AKIP1: variants seen among roughly 807,000 people sequenced by gnomAD.
AKIP1 encodes the protein A-kinase interacting protein 1, also known as A-kinase-interacting protein 1.
Under a neutral mutation model 22.3 loss-of-function variants are expected in AKIP1, and 18 were observed. The ratio of observed to expected loss-of-function variants is 0.81; its 90% CI spans 0.56 to 1.19. The LOEUF is 1.19. AKIP1 is among the 50% of genes most tolerant of loss of function. The probability of loss-of-function intolerance (pLI) is 0.00; values close to 1 mark genes in which losing one functional copy is unlikely to be tolerated. For synonymous variants in AKIP1, 120 were observed against 102.7 expected, an observed-to-expected ratio of 1.17 and a Z score of -1.02; for missense variants, 287 against 264.6, an observed-to-expected ratio of 1.08 and a Z score of -0.59.
rs900814127 is a variant in AKIP1, at chr11:8,920,059, A to T, written c.*579A>T. The T allele has an allele frequency of 2.0e-5, 4 of 204,502 alleles. No individual in the cohort carries two copies. Among genetic ancestry groups the T allele is most frequent in the Non-Finnish European group, 3.9e-5 (4 of 103,006 alleles). 12.7% of individuals were successfully genotyped at this position (204,502 alleles called of 1,614,324 possible). ...TTCCAAGTAAAGGTTAATTATGATA[A>T]TAAAGAGATTTGGAAATGAAGAGAA... On this transcript the variant is annotated 3_prime_UTR_variant, in exon 6 of 6. Coordinates refer to ENST00000309377, the MANE Select transcript of AKIP1 (RefSeq NM_020642.4).
chr11:8,911,819 T>A, intron 2 of AKIP1, 148 bp downstream of exon 2: 2 of 781,166 alleles, frequency 2.6e-6, no homozygotes, highest in Non-Finnish European at 1.9e-6. Flanking sequence ...AAAAGTCCTT[T>A]CAAAACGCTT....
intron 1 of AKIP1, 73 bp from the exon 2 acceptor site, chr11:8,911,371 C>T: frequency 1.5e-6 from 2 of 1,376,882 alleles, no homozygotes; most frequent in Admixed American, 4.4e-5. Flanking sequence ...GCTGGGGCTC[C>T]CACCCGGATT....
rs1205860154 is a variant in AKIP1 at position 8,919,430 on chromosome 11, G to T, written c.583G>T (p.Val195Leu). ...GSNDLTKKTH[V>L]VAVDSGQSVD... ...AAATGACTTAACCAAGAAGACTCAT[G>T]TGGTAGCAGTTGATTCTGGACAAAG... is the stretch of plus-strand genomic sequence containing the variant. Residue 195 changes from valine (V) to leucine (L), a missense_variant, in exon 6 of 6, where the codon GTG becomes TTG. Coordinates refer to ENST00000309377, the MANE Select transcript of AKIP1 (RefSeq NM_020642.4). The T allele has an allele frequency of 1.9e-6, 3 of 1,614,216 alleles. No homozygotes were observed. The Admixed American group carries it at 5.0e-5, about 27-fold the overall frequency.
At chr11:8,917,942 T>G (rs2064511635) in intron 5 of AKIP1, 1 of 154,600 alleles carries the variant, frequency 6.5e-6, no homozygotes, top group South Asian at 2.1e-4. Context: ...GGAACTTCAT[T>G]CAGCATGGTG....
intron 4 of AKIP1, 44 bp downstream of exon 4, chr11:8,914,974 A>C (rs2064457251): frequency 1.4e-6 from 2 of 1,463,670 alleles, no homozygotes; most frequent in Non-Finnish European, 9.5e-7. Flanking sequence ...CAGTCTACCA[A>C]GATATGACAC....
Position 8,915,439 on chromosome 11 carries a change from C to T in AKIP1, c.408+509C>T, listed in dbSNP as rs117509566. ...AGTGCAGTGGAGCAATCATGGCTTA[C>T]TGCAGCCTTGACTTCCTGGGCAGGT... is the stretch of plus-strand genomic sequence containing the variant. On this transcript the variant is annotated intron_variant, in intron 4 of 5. Coordinates refer to ENST00000309377, the MANE Select transcript of AKIP1 (RefSeq NM_020642.4). 3.1e-3 allele frequency among the ~76,000 whole-genome samples: 428 copies of T among 138,302 alleles called. 10 individuals are homozygous for T. In the East Asian group the frequency reaches 0.04, roughly 13 times the overall value. The allele number at this position is 138,302 out of a possible 152,430, so 90.7% of individuals were successfully genotyped here.
chr11:8,915,297 ATT>A (rs58339059), intron 4 of AKIP1, among the ~76,000 whole-genome samples: 35 of 144,902 alleles, frequency 2.4e-4, no homozygotes, highest in Middle Eastern at 3.8e-3. Context: ...CCTTTCTCTA[ATT>A]TTTTTTTAAA....
chr11:8,911,784 T>G (rs1319841610), intron 2 of AKIP1, 113 bp downstream of exon 2: 2 of 1,082,920 alleles, frequency 1.8e-6, no homozygotes, highest in African/African-American at 3.2e-5. Context: ...TAGCGGAAGC[T>G]GGAAAGGATC....
chr11:8,919,944 CT>C lies in AKIP1; in HGVS notation c.*470del. On this transcript the variant is annotated 3_prime_UTR_variant, in exon 6 of 6. Transcript: ENST00000309377. ...GAGCCACCGCGCCCGGCCTCAGTGCCTTTTTTAACTTGAGGGTGTAGAGGTC... is the reference window on the plus strand; with the variant it reads ...GAGCCACCGCGCCCGGCCTCAGTGCCTTTTTAACTTGAGGGTGTAGAGGTC... The C allele has an allele frequency of 6.1e-6, 1 of 163,334 alleles. No individual in the cohort carries two copies. The highest frequency in any genetic ancestry group is 1.3e-5 in the Non-Finnish European group (1 of 74,926). The allele number at this position is 163,334 out of a possible 1,614,324, so 10.1% of individuals were successfully genotyped here. A position where few individuals can be genotyped will look rare whatever the true frequency, so the allele number is the denominator to read the frequency against.
intron 4 of AKIP1, among the ~76,000 whole-genome samples, chr11:8,915,407 A>G (rs958311989): frequency 2.6e-5 from 3 of 117,194 alleles, no homozygotes; most frequent in African/African-American, 1.0e-4. Flanking sequence ...TCTGTCACCC[A>G]GGCTAGAGTG....
At position 8,914,812 on chromosome 11, in the gene AKIP1, C is replaced by T; in HGVS notation, c.304-14C>T. ...CAATTTGGTTAGCTAACATCTTTGA[C>T]ATTACGTCTCTAGAAATATTATTCA... On this transcript the variant is annotated splice_polypyrimidine_tract_variant and intron_variant, in intron 3 of 5. Coordinates refer to ENST00000309377, the MANE Select transcript of AKIP1 (RefSeq NM_020642.4). 1.3e-6 allele frequency: 2 copies of T among 1,586,116 alleles called. No individual in the cohort carries two copies. Among genetic ancestry groups the T allele is most frequent in the Non-Finnish European group, 1.7e-6 (2 of 1,156,222 alleles).
chr11:8,912,593 T>C, intron 3 of AKIP1, 60 bp downstream of exon 3: 4 of 1,457,678 alleles, frequency 2.7e-6, no homozygotes, highest in South Asian at 1.1e-5. Context: ...CATTTGGATC[T>C]TTCTGGAATT....
chr11:8,914,918 A>G lies in AKIP1; in HGVS notation c.396A>G (p.Ile132Met). 6.2e-7 allele frequency: 1 copy of G among 1,613,524 alleles called. No homozygotes were observed. The highest frequency in any genetic ancestry group is 8.5e-7 in the Non-Finnish European group (1 of 1,179,728). Residue 132 changes from isoleucine (I) to methionine (M), a missense_variant, in exon 4 of 6, where the codon ATA becomes ATG. By Grantham distance (10) the Ile-to-Met change is conservative (BLOSUM62 1). Transcript: ENST00000309377. ...CGAAGCTGCACATGTGCTTGGACAT[A>G]GGGAATGGTCAGGTAAGTGTACTCA... ...GESKLHMCLD[I>M]GNGQRKDRKK...
chr11:8,912,410 G>C (rs1408792736), intron 2 of AKIP1, 43 bp from the exon 3 acceptor site: 2 of 1,532,330 alleles, frequency 1.3e-6, no homozygotes, highest in Non-Finnish European at 1.8e-6. Context: ...TCTCCAGTAG[G>C]GAATCCTAGA....
At chr11:8,913,256 C>G in intron 3 of AKIP1, among the ~76,000 whole-genome samples, 1 of 150,280 alleles carries the variant, frequency 6.7e-6, no homozygotes, top group African/African-American at 2.5e-5. Flanking sequence ...TCTCGGCTCA[C>G]TGCAACCCCT....
At chr11:8,913,876 C>T (rs2064437948) in intron 3 of AKIP1, among the ~76,000 whole-genome samples, 2 of 152,246 alleles carry the variant, frequency 1.3e-5, no homozygotes, top group South Asian at 4.1e-4. Flanking sequence ...TGATTAAACC[C>T]TTGGTTCATG....
intron 2 of AKIP1, 135 bp from the exon 3 acceptor site, chr11:8,912,318 C>T (rs887041008): frequency 5.7e-5 from 38 of 661,960 alleles, no homozygotes; most frequent in Admixed American, 4.5e-4. Flanking sequence ...GGAATTCTTT[C>T]TCAATAACAT....
Position 8,916,043 on chromosome 11 carries a change from A to G in AKIP1, c.408+1113A>G, listed in dbSNP as rs528692460. Reference sequence around the variant, plus strand: ...CGCTGTGTTAGCCAGGATGGTCTCGATCTCCCGACCTCGTGATCCGCCTGC... The same window carrying G: ...CGCTGTGTTAGCCAGGATGGTCTCGGTCTCCCGACCTCGTGATCCGCCTGC... On this transcript the variant is annotated intron_variant, in intron 4 of 5. Coordinates refer to ENST00000309377, the MANE Select transcript of AKIP1 (RefSeq NM_020642.4). 6.8e-4 allele frequency among the ~76,000 whole-genome samples: 103 copies of G among 151,756 alleles called. 1 individual carries two copies. Among genetic ancestry groups the G allele is most frequent in the African/African-American group, 2.4e-3 (99 of 41,418 alleles).
chr11:8,911,693 G>A lies in AKIP1; in HGVS notation c.222+22G>A, dbSNP rs745374359. On this transcript the variant is annotated intron_variant, in intron 2 of 5. Coordinates refer to ENST00000309377, the MANE Select transcript of AKIP1 (RefSeq NM_020642.4). ...AGAGGTGAGGGTCGCTGTGCCGGGG[G>A]CCGCCCCAGTCCTTCGCGCCGCGGT... 2.8e-5 allele frequency: 41 copies of A among 1,489,966 alleles called. 1 individual carries two copies. The South Asian group carries it at 4.0e-4, about 14-fold the overall frequency. The allele number at this position is 1,489,966 out of a possible 1,614,324, so 92.3% of individuals were successfully genotyped here.
Sources: gnomAD v4.1 joint callset for allele counts (sites outside exome capture counted in the v4.1 genomes callset) on GRCh38, gnomAD v4.1.1 for gene constraint, MANE v1.5 for transcripts, NCBI Gene and HGNC (gene_info 2026-07-23, HGNC 2026-07-21) for gene names.